The following ACSL6 variants were observed in gnomAD, a reference collection of about 807,000 sequenced individuals.
ACSL6 encodes long-chain-fatty-acid--CoA ligase 6.
ACSL6 carries 47 observed loss-of-function variants against 98.2 expected under a neutral mutation model. That is an observed-to-expected ratio of 0.48 (90% CI 0.38 to 0.61). ACSL6 has a LOEUF of 0.61. ACSL6 is among the 20% of genes least tolerant of loss of function. The pLI is 0.00. For synonymous variants in ACSL6, 362 were observed against 336.9 expected, an observed-to-expected ratio of 1.07 and a Z score of -0.82; for missense variants, 761 against 913.4, an observed-to-expected ratio of 0.83 and a Z score of 2.15.
rs1755739421 is a variant in ACSL6 at position 132,011,624 on chromosome 5, G to C, written c.-71C>G. On this transcript the variant is annotated 5_prime_UTR_variant, in exon 1 of 21. Coordinates refer to ENST00000651883, the MANE Select transcript of ACSL6 (RefSeq NM_001009185.3). The surrounding 1 kb of genome is among the most constrained non-coding windows in gnomAD (Gnocchi z 5.4). ...CGCAGCCCCGCAGCCCCGCAGCCCA[G>C]CAGCCCCAGCAGTAGCCGCGCCGCC... The C allele has an allele frequency of 7.9e-7, 1 of 1,271,248 alleles. No homozygotes were observed. The highest frequency in any genetic ancestry group is 9.9e-7 in the Non-Finnish European group (1 of 1,006,884). The allele number at this position is 1,271,248 out of a possible 1,614,324, so 78.7% of individuals were successfully genotyped here.
upstream of ACSL6, chr5:132,012,075 C>T: frequency 2.8e-6 from 3 of 1,079,040 alleles, no homozygotes; most frequent in Non-Finnish European, 3.9e-6. Flanking sequence ...GAATGGCAGC[C>T]GGGTCGCGGT....
chr5:131,990,066 G>A (rs1343845922), intron 4 of ACSL6, 34 bp downstream of exon 4: 3 of 1,609,260 alleles, frequency 1.9e-6, no homozygotes, highest in Non-Finnish European at 2.5e-6. Flanking sequence ...ATCTGAATGG[G>A]TGGCCAGGGT....
Position 131,990,948 on chromosome 5 carries a change from C to T in ACSL6, c.290G>A (p.Arg97Gln), listed in dbSNP as rs769658964. Reference sequence around the variant, plus strand: ...CTGAGGGCCAGACCCAATCACAGATCGCCGTGCCCCGCCACTGTCCTACAA... The same window carrying T: ...CTGAGGGCCAGACCCAATCACAGATTGCCGTGCCCCGCCACTGTCCTACAA... ...EEVEDSGGAR[R>Q]SVIGSGPQLL... Residue 97 changes from arginine (R) to glutamine (Q), a missense_variant, in exon 3 of 21, where the codon CGA (arginine) becomes CAA (glutamine). Transcript: ENST00000651883. The T allele has an allele frequency of 9.3e-6, 15 of 1,609,880 alleles. No homozygotes were observed. The highest frequency in any genetic ancestry group is 4.5e-5 in the East Asian group (2 of 44,790).
intron 1 of ACSL6, among the ~76,000 whole-genome samples, chr5:131,996,960 T>C (rs1754823922): frequency 6.6e-6 from 1 of 152,198 alleles, no homozygotes; most frequent in South Asian, 2.1e-4. Flanking sequence ...AAGGGTGGCC[T>C]GGCAGAGGAA....
At chr5:132,002,884 T>C (rs953971709) in intron 1 of ACSL6, among the ~76,000 whole-genome samples, 3 of 152,070 alleles carry the variant, frequency 2.0e-5, no homozygotes, top group African/African-American at 7.2e-5. Flanking sequence ...AAGATGGTGA[T>C]GGGTACTGTA....
chr5:131,970,220 G>C lies in ACSL6; in HGVS notation c.1435-20C>G, dbSNP rs776627290. The C allele has an allele frequency of 3.1e-6, 5 of 1,612,704 alleles. No individual in the cohort carries two copies. In the East Asian group the frequency reaches 1.1e-4, roughly 36 times the overall value. On this transcript the variant is annotated intron_variant, in intron 14 of 20. Coordinates refer to ENST00000651883, the MANE Select transcript of ACSL6 (RefSeq NM_001009185.3). ...ATAAACCTTCAAACAAAACACAGAA[G>C]CCACACTATGGGCACACACCCTCCA...
At chr5:131,979,818 C>A (rs1272722651) in intron 9 of ACSL6, among the ~76,000 whole-genome samples, 1 of 152,248 alleles carries the variant, frequency 6.6e-6, no homozygotes, top group Admixed American at 6.5e-5. Context: ...CCGCCAATGT[C>A]TCAGCGGTAT....
rs1469515552 is a variant in ACSL6 at position 131,990,982 on chromosome 5, C to A, written c.271-15G>T. 1.9e-6 allele frequency: 3 copies of A among 1,613,320 alleles called. No individual in the cohort carries two copies. The highest frequency in any genetic ancestry group is 1.7e-6 in the Non-Finnish European group (2 of 1,179,458). The stretch of plus-strand genomic sequence containing the variant: ...CCGCCACTGTCCTACAAGCCAAGCA[C>A]CGGCCAGAGAAGTTGGCTGAGGCAG... On this transcript the variant is annotated splice_polypyrimidine_tract_variant and intron_variant, in intron 2 of 20. Coordinates refer to ENST00000651883, the MANE Select transcript of ACSL6 (RefSeq NM_001009185.3).
intron 9 of ACSL6, chr5:131,982,082 T>C (rs1391697806): frequency 6.7e-6 from 1 of 150,046 alleles, no homozygotes; most frequent in Non-Finnish European, 1.5e-5. Context: ...GGGCTCGATC[T>C]CCTGACCTTG....
At chr5:132,002,670 C>A (rs1379228158) in intron 1 of ACSL6, among the ~76,000 whole-genome samples, 1 of 152,062 alleles carries the variant, frequency 6.6e-6, no homozygotes, top group Non-Finnish European at 1.5e-5. Context: ...AGGATCCGAG[C>A]TGGGTGGGAA....
In ACSL6 at chr5:131,974,877, CAGGT is replaced by C. The variant is rs754640351; in HGVS notation, c.1068+12_1068+15del. 1 of 1,614,118 alleles carries C rather than the reference CAGGT, an allele frequency of 6.2e-7. No homozygotes were observed. Among genetic ancestry groups the C allele is most frequent in the East Asian group, 2.2e-5 (1 of 44,876 alleles). On this transcript the variant is annotated intron_variant, in intron 11 of 20. Transcript: ENST00000651883. Reference sequence around the variant, plus strand: ...GGAGCCCAGGCAAGGCCCGGTCAGTCAGGTGGGTGTCTTACCTGGATTACTCTCT... The same window carrying C: ...GGAGCCCAGGCAAGGCCCGGTCAGTCGGGTGTCTTACCTGGATTACTCTCT...
rs901819620 is a variant in ACSL6 at position 131,988,468 on chromosome 5, G to A, written c.653-242C>T. The A allele has an allele frequency of 8.5e-6, 13 of 1,529,626 alleles. No individual in the cohort carries two copies. The African/African-American group carries it at 1.2e-4, about 14-fold the overall frequency. The allele number at this position is 1,529,626 out of a possible 1,614,324, so 94.8% of individuals were successfully genotyped here. On this transcript the variant is annotated intron_variant, in intron 6 of 20. Coordinates refer to ENST00000651883, the MANE Select transcript of ACSL6 (RefSeq NM_001009185.3). ...GAGTCCAAGCTCCCCTTTGTTCCAG[G>A]CTCTGCCCCCATCATCCCAGGTCTG...
Position 131,972,712 on chromosome 5 carries a change from T to G in ACSL6, c.1338+12A>C. On this transcript the variant is annotated intron_variant, in intron 13 of 20. Coordinates refer to ENST00000651883, the MANE Select transcript of ACSL6 (RefSeq NM_001009185.3). Reference sequence around the variant, plus strand: ...TAGGTGTCACTCTATAATCACTTGTTCATTTTCTTACCTGAATCTTATTAA... The same window carrying G: ...TAGGTGTCACTCTATAATCACTTGTGCATTTTCTTACCTGAATCTTATTAA... The G allele has an allele frequency of 6.2e-7, 1 of 1,614,114 alleles. No individual in the cohort carries two copies. The highest frequency in any genetic ancestry group is 8.5e-7 in the Non-Finnish European group (1 of 1,179,998).
chr5:131,968,536 G>T (rs930998547), intron 15 of ACSL6, among the ~76,000 whole-genome samples: 1 of 152,084 alleles, frequency 6.6e-6, no homozygotes, highest in Non-Finnish European at 1.5e-5. Flanking sequence ...CCTGAGATTC[G>T]ACATTTCTTA....
At position 132,011,638 on chromosome 5, in the gene ACSL6, AGCCGC is replaced by A; in HGVS notation, c.-90_-86del. ...CCCGCAGCCCAGCAGCCCCAGCAGT[AGCCGC>A]GCCGCCGCCGCCGCTGCCGGGTATT... On this transcript the variant is annotated 5_prime_UTR_variant, in exon 1 of 21. Coordinates refer to ENST00000651883, the MANE Select transcript of ACSL6 (RefSeq NM_001009185.3). This position sits in a 1 kb window ranked among gnomAD's most constrained non-coding sequence, Gnocchi z 5.4. The A allele has an allele frequency of 7.9e-7, 1 of 1,263,194 alleles. No individual in the cohort carries two copies. Among genetic ancestry groups the A allele is most frequent in the Non-Finnish European group, 1.0e-6 (1 of 1,002,354 alleles). 78.2% of individuals were successfully genotyped at this position (1,263,194 alleles called of 1,614,324 possible).
rs901533775 is a variant in ACSL6, at chr5:131,975,808, C to A, written c.991-838G>T. 3 of 985,372 alleles carry A rather than the reference C, an allele frequency of 3.0e-6. No individual in the cohort carries two copies. The African/African-American group carries it at 5.2e-5, about 17-fold the overall frequency. 61.0% of individuals were successfully genotyped at this position (985,372 alleles called of 1,614,324 possible). A position where few individuals can be genotyped will look rare whatever the true frequency, so the allele number is the denominator to read the frequency against. ...CTCCTCTGCTGGACTTCCCTGCTCT[C>A]CACCCCTTTGCAGAGGCCTTCACTC... On this transcript the variant is annotated intron_variant, in intron 10 of 20. Transcript: ENST00000651883.
At chr5:131,959,185 C>T (rs960008907) in intron 20 of ACSL6, among the ~76,000 whole-genome samples, 1 of 152,126 alleles carries the variant, frequency 6.6e-6, no homozygotes, top group Non-Finnish European at 1.5e-5. Context: ...TCTGCTGAAG[C>T]CAAGAAGACG....
intron 2 of ACSL6, among the ~76,000 whole-genome samples, chr5:131,992,310 G>C (rs577987345): frequency 3.9e-5 from 6 of 152,164 alleles, no homozygotes; most frequent in African/African-American, 1.4e-4. Context: ...GCCAGGAAAG[G>C]GTTTTAGGCC....
chr5:131,990,058 C>T (rs1409527833), intron 4 of ACSL6, 42 bp downstream of exon 4: 1 of 1,605,876 alleles, frequency 6.2e-7, no homozygotes, highest in African/African-American at 1.3e-5. Flanking sequence ...AGTGCCAGAT[C>T]TGAATGGGTG....
Sources: gnomAD v4.1 joint callset for allele counts (sites outside exome capture counted in the v4.1 genomes callset) on GRCh38, gnomAD v4.1.1 for gene constraint, Gnocchi (gnomAD v3.1) non-coding constraint, MANE v1.5 for transcripts, NCBI Gene and HGNC (gene_info 2026-07-23, HGNC 2026-07-21) for gene names.